The following SPAG9 variants were observed in gnomAD, a reference collection of about 807,000 sequenced individuals.
The protein encoded by SPAG9 is C-Jun-amino-terminal kinase-interacting protein 4.
SPAG9 carries 35 observed loss-of-function variants against 166.5 expected under a neutral mutation model. That is an observed-to-expected ratio of 0.21 (90% CI 0.16 to 0.28). The LOEUF (loss-of-function observed/expected upper bound fraction) is 0.28, where lower values mean the gene tolerates loss of function less well. Among genes scored for constraint, SPAG9 ranks in the 10% least tolerant of loss-of-function variants. The pLI, the probability that SPAG9 is intolerant of heterozygous loss-of-function variation, is 1.00. For missense variants in SPAG9, 1,235 were observed against 1,603.3 expected (o/e 0.77, Z 3.92); for synonymous variants, 534 against 565.5 (o/e 0.94, Z 0.79).
At chr17:51,101,921 G>A (rs975359759) in intron 1 of SPAG9, among the ~76,000 whole-genome samples, 2 of 152,088 alleles carry the variant, frequency 1.3e-5, no homozygotes, top group African/African-American at 4.8e-5. Flanking sequence ...CACCGCGCCT[G>A]GCCTATACCA....
chr17:51,073,550 T>A (rs62062978), intron 2 of SPAG9, among the ~76,000 whole-genome samples: 5 of 151,390 alleles, frequency 3.3e-5, no homozygotes, highest in Non-Finnish European at 7.4e-5. Context: ...ATATTGCAGA[T>A]TTAAAAAAAA....
intron 5 of SPAG9, among the ~76,000 whole-genome samples, chr17:51,035,892 CAT>C (rs1238956666): frequency 6.6e-6 from 1 of 152,170 alleles, no homozygotes; most frequent in African/African-American, 2.4e-5. Context: ...CACATGCATA[CAT>C]GTGTGTGCAT....
At chr17:50,990,031 ATT>A (rs754240485) in intron 20 of SPAG9, 159 bp from the exon 21 acceptor site, 1,864 of 583,912 alleles carry the variant, frequency 3.2e-3, no homozygotes, top group East Asian at 4.2e-3. Flanking sequence ...TCATTACAGC[ATT>A]TTTTTTTTTT....
At chr17:51,029,452 A>G (rs977746456) in intron 6 of SPAG9, among the ~76,000 whole-genome samples, 1 of 152,134 alleles carries the variant, frequency 6.6e-6, no homozygotes, top group East Asian at 1.9e-4. Flanking sequence ...CAGCAATCTC[A>G]CTTCTGGGTA....
chr17:51,009,911 C>A (rs1181392302), intron 9 of SPAG9, among the ~76,000 whole-genome samples: 1 of 151,910 alleles, frequency 6.6e-6, no homozygotes, highest in Non-Finnish European at 1.5e-5. Flanking sequence ...GAATATATAA[C>A]CAATAGGATT....
rs1192574810 is a variant in SPAG9, at chr17:50,995,236, A to C, written c.2059-12T>G. On this transcript the variant is annotated splice_polypyrimidine_tract_variant and intron_variant, in intron 17 of 29. Coordinates refer to ENST00000262013, the MANE Select transcript of SPAG9 (RefSeq NM_001130528.3). ...ACAGCACACCACAGCTTCTCAGGTG[A>C]AAAAGAAAACAATATTAAGTCTAGA... 1 of 1,605,420 alleles carries C rather than the reference A, an allele frequency of 6.2e-7. No homozygotes were observed. Among genetic ancestry groups the C allele is most frequent in the Non-Finnish European group, 8.5e-7 (1 of 1,177,386 alleles).
At chr17:51,069,543 C>T (rs988154600) in intron 2 of SPAG9, among the ~76,000 whole-genome samples, 10 of 151,842 alleles carry the variant, frequency 6.6e-5, no homozygotes, top group African/African-American at 2.4e-4. Context: ...TTATCAATCA[C>T]CTTGTGTTGA....
At chr17:51,109,721 C>A (rs900196107) in intron 1 of SPAG9, among the ~76,000 whole-genome samples, 2 of 150,808 alleles carry the variant, frequency 1.3e-5, no homozygotes, top group Non-Finnish European at 3.0e-5. Context: ...TTTTTCTTTT[C>A]TTTTCTTTTT....
intron 1 of SPAG9, among the ~76,000 whole-genome samples, chr17:51,088,791 C>A (rs1402264670): frequency 6.6e-6 from 1 of 151,090 alleles, no homozygotes; most frequent in African/African-American, 2.4e-5. Context: ...CAGTGAGACT[C>A]CGTCTCAAAA....
chr17:51,039,551 G>A (rs1387040146), intron 5 of SPAG9, among the ~76,000 whole-genome samples: 1 of 152,112 alleles, frequency 6.6e-6, no homozygotes, highest in East Asian at 1.9e-4. Context: ...CAAGTAGAGA[G>A]AGACAGGGTT....
chr17:51,103,571 T>G (rs2048862402), intron 1 of SPAG9, among the ~76,000 whole-genome samples: 1 of 152,154 alleles, frequency 6.6e-6, no homozygotes, highest in Admixed American at 6.6e-5. Context: ...CTGACAAGAT[T>G]GGGGCAGCCA....
chr17:50,977,710 C>G (rs1255209517), intron 26 of SPAG9, among the ~76,000 whole-genome samples: 1 of 152,084 alleles, frequency 6.6e-6, no homozygotes, highest in Non-Finnish European at 1.5e-5. Context: ...GGCAACAGAC[C>G]TCACCTCTAC....
At chr17:51,100,135 C>T (rs1348285906) in intron 1 of SPAG9, among the ~76,000 whole-genome samples, 3 of 151,990 alleles carry the variant, frequency 2.0e-5, no homozygotes, top group Admixed American at 1.3e-4. Context: ...TAAATAAGCA[C>T]TTTGCACTTA....
intron 18 of SPAG9, among the ~76,000 whole-genome samples, chr17:50,994,772 G>C (rs1485637977): frequency 6.6e-6 from 1 of 152,106 alleles, no homozygotes; most frequent in Non-Finnish European, 1.5e-5. Flanking sequence ...AAAACTAACA[G>C]GTAAAGCAGA....
chr17:51,001,973 GA>G (rs1483853175), intron 12 of SPAG9, 128 bp from the exon 13 acceptor site: 1 of 800,500 alleles, frequency 1.2e-6, no homozygotes, highest in Non-Finnish European at 2.0e-6. Flanking sequence ...ATCATTTAAA[GA>G]AAAATGGCTT....
intron 27 of SPAG9, chr17:50,976,695 G>A (rs1974234120): frequency 1.3e-5 from 2 of 153,570 alleles, no homozygotes; most frequent in South Asian, 4.1e-4. Context: ...GAACTCCTGA[G>A]AAACTTCTTC....
At chr17:51,024,064 G>A (rs2144215094) in intron 6 of SPAG9, among the ~76,000 whole-genome samples, 2 of 152,328 alleles carry the variant, frequency 1.3e-5, no homozygotes, top group South Asian at 4.1e-4. Context: ...GGGAGGCCCA[G>A]GCAGGCGGAT....
intron 5 of SPAG9, among the ~76,000 whole-genome samples, chr17:51,037,689 T>TATATATATATATATATATATATA (rs1568028348): frequency 4.5e-4 from 37 of 82,562 alleles, no homozygotes; most frequent in African/African-American, 1.0e-3. Context: ...ATATATAGTG[T>TATATATATATATATATATATATA]GTGTGTGTGT....
intron 1 of SPAG9, among the ~76,000 whole-genome samples, chr17:51,107,741 G>C (rs1313744196): frequency 7.7e-6 from 1 of 130,588 alleles, no homozygotes; most frequent in Admixed American, 8.3e-5. Flanking sequence ...TCAAAAAAAA[G>C]GTTAAAAAAA....
Sources: allele counts gnomAD v4.1 joint callset (sites outside exome capture counted in the v4.1 genomes callset), GRCh38; gene constraint gnomAD v4.1.1; transcripts MANE v1.5; gene names NCBI Gene and HGNC (gene_info 2026-07-23, HGNC 2026-07-21).